Variants in LRRC20 observed in about 807,000 individuals in gnomAD.
LRRC20 encodes the protein leucine rich repeat containing 20.
Under a neutral mutation model 14.4 loss-of-function variants are expected in LRRC20, and 11 were observed. The ratio of observed to expected loss-of-function variants is 0.77; its 90% confidence interval spans 0.48 to 1.27. The LOEUF (loss-of-function observed/expected upper bound fraction) is 1.27. Ranked by LOEUF, LRRC20 falls within the 50% of genes most tolerant of loss-of-function variation. The probability of loss-of-function intolerance (pLI) is 0.00; values close to 1 mark genes in which losing one functional copy is unlikely to be tolerated. For missense variants in LRRC20, 219 were observed against 251.2 expected (o/e 0.87, Z 0.87); for synonymous variants, 121 against 107.3 (o/e 1.13, Z -0.79).
At chr10:70,343,515 T>C (rs1466408218) in intron 2 of LRRC20, among the ~76,000 whole-genome samples, 1 of 152,178 alleles carries the variant, frequency 6.6e-6, no homozygotes, top group Non-Finnish European at 1.5e-5. Context: ...AGCTCTTCTA[T>C]CAGCAGGTGG....
intron 2 of LRRC20, among the ~76,000 whole-genome samples, chr10:70,355,937 G>T (rs991884963): frequency 6.6e-6 from 1 of 152,126 alleles, no homozygotes; most frequent in Admixed American, 6.5e-5. Context: ...GCCTTCTCAC[G>T]TCCTGCTGCA....
intron 1 of LRRC20, chr10:70,381,935 G>A (rs1313164898): frequency 6.6e-6 from 1 of 152,310 alleles, no homozygotes; most frequent in East Asian, 1.9e-4. Flanking sequence ...GCGGTAGCCA[G>A]GCAAGGGTCC....
intron 4 of LRRC20, among the ~76,000 whole-genome samples, chr10:70,318,991 G>A (rs550685995): frequency 1.4e-4 from 21 of 151,780 alleles, no homozygotes; most frequent in African/African-American, 4.6e-4. Context: ...ACTTTTTGTA[G>A]AGATGGGGTT....
chr10:70,369,917 T>C (rs1200639993), intron 2 of LRRC20, among the ~76,000 whole-genome samples: 1 of 152,024 alleles, frequency 6.6e-6, no homozygotes, highest in Admixed American at 6.5e-5. Context: ...CCATCTCTGC[T>C]AAATATACAA....
chr10:70,379,221 C>T (rs1158268418), intron 1 of LRRC20, among the ~76,000 whole-genome samples: 1 of 152,158 alleles, frequency 6.6e-6, no homozygotes, highest in East Asian at 1.9e-4. Flanking sequence ...CTGCATAAGG[C>T]GAGCCAGTGC....
intron 4 of LRRC20, among the ~76,000 whole-genome samples, chr10:70,303,977 T>C (rs1336347615): frequency 6.6e-6 from 1 of 152,188 alleles, no homozygotes; most frequent in Non-Finnish European, 1.5e-5. Context: ...TTATACACTT[T>C]ATGTGGTTAA....
At chr10:70,314,208 C>T (rs1841776478) in intron 4 of LRRC20, among the ~76,000 whole-genome samples, 1 of 151,930 alleles carries the variant, frequency 6.6e-6, no homozygotes, top group African/African-American at 2.4e-5. Context: ...GGTGGGGACA[C>T]AGCCAAACCA....
chr10:70,321,084 C>G (rs1842062075), intron 4 of LRRC20, among the ~76,000 whole-genome samples: 1 of 152,138 alleles, frequency 6.6e-6, no homozygotes, highest in South Asian at 2.1e-4. Flanking sequence ...GCTGCCTGTT[C>G]TCCACTTACT....
chr10:70,371,327 A>G (rs1479662180), intron 2 of LRRC20, among the ~76,000 whole-genome samples: 1 of 151,856 alleles, frequency 6.6e-6, no homozygotes, highest in African/African-American at 2.4e-5. Flanking sequence ...TATTTTTGGT[A>G]GAGACAGGGT....
chr10:70,311,222 A>ATTTTTTT (rs11314061), intron 4 of LRRC20, among the ~76,000 whole-genome samples: 12 of 86,342 alleles, frequency 1.4e-4, no homozygotes, highest in South Asian at 4.5e-4. Context: ...TCAACATTCC[A>ATTTTTTT]TTTTTTTTTT....
chr10:70,362,973 G>A (rs1404668570), intron 2 of LRRC20, among the ~76,000 whole-genome samples: 1 of 152,064 alleles, frequency 6.6e-6, no homozygotes, highest in East Asian at 1.9e-4. Context: ...TTATGAAAGA[G>A]ACCCCCAGGC....
At chr10:70,350,560 G>T (rs994135414) in intron 2 of LRRC20, among the ~76,000 whole-genome samples, 36 of 152,182 alleles carry the variant, frequency 2.4e-4, no homozygotes, top group African/African-American at 8.2e-4. Flanking sequence ...ATTCAGGAGC[G>T]CCTGATTGAG....
chr10:70,312,848 C>A (rs1031210019), intron 4 of LRRC20, among the ~76,000 whole-genome samples: 2 of 152,160 alleles, frequency 1.3e-5, no homozygotes, highest in African/African-American at 4.8e-5. Flanking sequence ...ATGGCGGGCA[C>A]CCCCATCAAT....
At chr10:70,326,309 C>CACAT (rs1449220411) in intron 3 of LRRC20, among the ~76,000 whole-genome samples, 2 of 150,834 alleles carry the variant, frequency 1.3e-5, no homozygotes, top group Non-Finnish European at 3.0e-5. Flanking sequence ...CACACACACA[C>CACAT]ACACACACAC....
At chr10:70,315,659 G>GC (rs996691945) in intron 4 of LRRC20, among the ~76,000 whole-genome samples, 17 of 151,986 alleles carry the variant, frequency 1.1e-4, no homozygotes, top group Admixed American at 6.6e-4. Flanking sequence ...GTTTGGAGAC[G>GC]CCCCCCCACA....
chr10:70,316,132 T>G (rs1226357233), intron 4 of LRRC20, among the ~76,000 whole-genome samples: 2 of 152,074 alleles, frequency 1.3e-5, no homozygotes, highest in Non-Finnish European at 2.9e-5. Context: ...TAATTTAATT[T>G]TATTTATTTT....
At chr10:70,368,220 C>A (rs986990819) in intron 2 of LRRC20, among the ~76,000 whole-genome samples, 1 of 141,380 alleles carries the variant, frequency 7.1e-6, no homozygotes, top group South Asian at 2.3e-4. Context: ...TGCAGTGGCA[C>A]AATCTCAGCT....
chr10:70,327,420 C>T (rs1230101164), intron 3 of LRRC20, among the ~76,000 whole-genome samples: 1 of 151,782 alleles, frequency 6.6e-6, no homozygotes, highest in Non-Finnish European at 1.5e-5. Flanking sequence ...ATTAAAAATA[C>T]AAAAATGAGT....
chr10:70,356,831 A>G (rs1020096965), intron 2 of LRRC20, among the ~76,000 whole-genome samples: 1 of 152,178 alleles, frequency 6.6e-6, no homozygotes, highest in African/African-American at 2.4e-5. Context: ...AGCCTGGGCA[A>G]CAGAATGAGA....
Sources: allele counts gnomAD v4.1 joint callset (sites outside exome capture counted in the v4.1 genomes callset), GRCh38; gene constraint gnomAD v4.1.1; transcripts MANE v1.5; gene names NCBI Gene and HGNC (gene_info 2026-07-23, HGNC 2026-07-21).